The following SSBP2 variants were observed in gnomAD, a reference collection of about 807,000 sequenced individuals.
SSBP2 encodes single-stranded DNA-binding protein 2.
A neutral mutation model predicts 61.8 loss-of-function variants in SSBP2; 17 were observed. The observed-to-expected ratio is 0.28, with a 90% CI of 0.19 to 0.41. The LOEUF is 0.41. SSBP2 is among the 10% of genes least tolerant of loss of function. The pLI is 1.00. For missense variants in SSBP2, 310 were observed against 458.7 expected (o/e 0.68, Z 2.96); for synonymous variants, 139 against 141.3 (o/e 0.98, Z 0.12).
intron 2 of SSBP2, among the ~76,000 whole-genome samples, chr5:81,640,738 C>A (rs568074769): frequency 1.4e-5 from 2 of 138,300 alleles, no homozygotes; most frequent in Non-Finnish European, 3.3e-5. Flanking sequence ...CAAAAACCTA[C>A]GTCTCGTCCT....
At chr5:81,650,735 A>G (rs569142574) in intron 1 of SSBP2, among the ~76,000 whole-genome samples, 1 of 152,124 alleles carries the variant, frequency 6.6e-6, no homozygotes, top group Non-Finnish European at 1.5e-5. Context: ...ATGTCCTTCA[A>G]TCTTTTTGGC....
chr5:81,715,156 G>T (rs192271413), intron 1 of SSBP2, among the ~76,000 whole-genome samples: 29 of 152,228 alleles, frequency 1.9e-4, no homozygotes, highest in Admixed American at 2.6e-4. Context: ...ACAGACAGGA[G>T]GGGCTGGGGA....
chr5:81,533,946 G>A (rs1770607795), intron 4 of SSBP2, among the ~76,000 whole-genome samples: 1 of 152,040 alleles, frequency 6.6e-6, no homozygotes, highest in Admixed American at 6.6e-5. Context: ...CTTCTGGCAA[G>A]GGAAAAGGAA....
Position 81,575,811 on chromosome 5 carries a change from CAAAAGAAAGTTGGTG to C in SSBP2, c.282+39647_282+39661del, listed in dbSNP as rs1340528404. 3.3e-5 allele frequency among the ~76,000 whole-genome samples: 5 copies of C among 152,034 alleles called. No homozygotes were observed. In the South Asian group the frequency reaches 1.0e-3, roughly 32 times the overall value. On this transcript the variant is annotated intron_variant, in intron 4 of 16. Coordinates refer to ENST00000320672, the MANE Select transcript of SSBP2 (RefSeq NM_012446.5). ...AGATATATATTGTGCAGACATTAAC[CAAAAGAAAGTTGGTG>C]AAATACCAGACAAAGGAGACTTTGA...
chr5:81,547,286 T>C (rs1054815302), intron 4 of SSBP2, among the ~76,000 whole-genome samples: 5 of 152,066 alleles, frequency 3.3e-5, no homozygotes, highest in Non-Finnish European at 5.9e-5. Flanking sequence ...TGAAAACCTA[T>C]CCCCAAACAA....
intron 1 of SSBP2, among the ~76,000 whole-genome samples, chr5:81,702,952 G>C (rs1754093984): frequency 1.3e-5 from 2 of 152,150 alleles, no homozygotes; most frequent in Non-Finnish European, 1.5e-5. Flanking sequence ...CAACAACTGG[G>C]AATAAGAGCA....
intron 3 of SSBP2, among the ~76,000 whole-genome samples, chr5:81,616,918 C>G (rs552397346): frequency 0.039 from 5,912 of 150,618 alleles, 165 homozygotes; most frequent in East Asian, 0.12. Context: ...AAACTAACAA[C>G]CAGAAAGGAC....
chr5:81,687,287 G>T (rs1752889226), intron 1 of SSBP2, among the ~76,000 whole-genome samples: 1 of 152,232 alleles, frequency 6.6e-6, no homozygotes, highest in Admixed American at 6.5e-5. Flanking sequence ...GGCACTCATG[G>T]AGGGAGCATA....
At chr5:81,471,764 G>A (rs1765258754) in intron 8 of SSBP2, among the ~76,000 whole-genome samples, 1 of 151,720 alleles carries the variant, frequency 6.6e-6, no homozygotes, top group South Asian at 2.1e-4. Context: ...TGGCTTTGAG[G>A]CTGCCACATA....
chr5:81,681,596 T>TATAGC (rs200436075), intron 1 of SSBP2, among the ~76,000 whole-genome samples: 7,664 of 151,610 alleles, frequency 0.051, 390 homozygotes, highest in African/African-American at 0.13. Flanking sequence ...GAGAGAATGT[T>TATAGC]ATAGCATTAA....
intron 3 of SSBP2, among the ~76,000 whole-genome samples, chr5:81,623,155 T>G (rs1414732373): frequency 6.6e-6 from 1 of 152,122 alleles, no homozygotes; most frequent in Non-Finnish European, 1.5e-5. Flanking sequence ...AAAACCGAAG[T>G]TTTGTAATGT....
At chr5:81,544,294 C>G (rs768714109) in intron 4 of SSBP2, among the ~76,000 whole-genome samples, 49 of 152,228 alleles carry the variant, frequency 3.2e-4, no homozygotes, top group Middle Eastern at 3.4e-3. Flanking sequence ...TGATCCGCCC[C>G]CCTCAGCCAC....
intron 2 of SSBP2, among the ~76,000 whole-genome samples, chr5:81,643,853 T>A (rs988690797): frequency 6.6e-6 from 1 of 152,098 alleles, no homozygotes; most frequent in Non-Finnish European, 1.5e-5. Context: ...TCTGCCCGCG[T>A]CAGCCTCCCA....
rs529213334 is a variant in SSBP2 at position 81,670,590 on chromosome 5, G to A, written c.63-20251C>T. On this transcript the variant is annotated intron_variant, in intron 1 of 16. Coordinates refer to ENST00000320672, the MANE Select transcript of SSBP2 (RefSeq NM_012446.5). ...CTAAATAATGTAAATTTTATATCCC[G>A]TGAAAATACTTTAAAGCTTTCTAAA... is the stretch of plus-strand genomic sequence containing the variant. 4.6e-5 allele frequency among the ~76,000 whole-genome samples: 7 copies of A among 152,154 alleles called. No individual in the cohort carries two copies. In the East Asian group the frequency reaches 5.8e-4, roughly 13 times the overall value.
intron 1 of SSBP2, among the ~76,000 whole-genome samples, chr5:81,683,099 A>G (rs542484355): frequency 6.6e-6 from 1 of 152,304 alleles, no homozygotes; most frequent in Non-Finnish European, 1.5e-5. Flanking sequence ...AACTTAATCT[A>G]TAGAGTCAAT....
chr5:81,676,993 A>C (rs1752035098), intron 1 of SSBP2, among the ~76,000 whole-genome samples: 1 of 152,300 alleles, frequency 6.6e-6, no homozygotes, highest in South Asian at 2.1e-4. Flanking sequence ...GGAAGATTTC[A>C]AAATTTATTC....
chr5:81,431,974 T>G (rs1444839883), intron 15 of SSBP2, among the ~76,000 whole-genome samples: 1 of 152,252 alleles, frequency 6.6e-6, no homozygotes, highest in Admixed American at 6.5e-5. Flanking sequence ...AAATTTTAAA[T>G]TTTTCCATTT....
intron 2 of SSBP2, among the ~76,000 whole-genome samples, chr5:81,638,878 T>C (rs1748508437): frequency 6.6e-6 from 1 of 152,218 alleles, no homozygotes; most frequent in African/African-American, 2.4e-5. Context: ...TAAGCTTCTA[T>C]TTAAAATCAT....
chr5:81,432,984 G>A (rs1379447101), intron 15 of SSBP2, among the ~76,000 whole-genome samples: 3 of 149,760 alleles, frequency 2.0e-5, no homozygotes, highest in African/African-American at 4.9e-5. Flanking sequence ...GAGGGAGGTG[G>A]GGGGGGTCAG....
Sources: allele counts gnomAD v4.1 joint callset (sites outside exome capture counted in the v4.1 genomes callset), GRCh38; gene constraint gnomAD v4.1.1; transcripts MANE v1.5; gene names NCBI Gene and HGNC (gene_info 2026-07-23, HGNC 2026-07-21).